ERBIN: variants seen among roughly 807,000 people sequenced by gnomAD.
ERBIN encodes erbb2 interacting protein, also known as densin-180-like protein.
Under a neutral mutation model 158.4 loss-of-function variants are expected in ERBIN, and 60 were observed. The observed-to-expected ratio is 0.38, with a 90% CI of 0.31 to 0.47. The LOEUF is 0.47. ERBIN is among the 20% of genes least tolerant of loss of function. The pLI is 0.99. For synonymous variants in ERBIN, 594 were observed against 557.2 expected (o/e 1.07, Z -0.93); for missense variants, 1,610 against 1,648.0 (o/e 0.98, Z 0.40).
At chr5:65,961,452 C>T (rs1487946541) in intron 1 of ERBIN, 4 of 152,328 alleles carry the variant, frequency 2.6e-5, no homozygotes, top group Non-Finnish European at 5.9e-5. Flanking sequence ...TTCTGAAACA[C>T]ATCTACTGGC....
chr5:66,040,933 G>A (rs1757865444), intron 15 of ERBIN, among the ~76,000 whole-genome samples: 1 of 151,756 alleles, frequency 6.6e-6, no homozygotes, highest in South Asian at 2.1e-4. Flanking sequence ...TTGGGCCTAG[G>A]TAGAGGAATC....
chr5:65,959,733 CT>C (rs1209498392), intron 1 of ERBIN, among the ~76,000 whole-genome samples: 2 of 152,126 alleles, frequency 1.3e-5, no homozygotes, highest in Non-Finnish European at 2.9e-5. Context: ...TTAAATGCCC[CT>C]TTTTTTCTGT....
chr5:66,050,987 G>GT, intron 20 of ERBIN, 21 bp downstream of exon 20: 1 of 1,519,978 alleles, frequency 6.6e-7, no homozygotes, highest in Non-Finnish European at 9.0e-7. Flanking sequence ...CTCTTTTACA[G>GT]TTTTTTATTT....
At chr5:66,069,165 A>G (rs1761305655) in intron 21 of ERBIN, 1 of 700,624 alleles carries the variant, frequency 1.4e-6, no homozygotes, top group Non-Finnish European at 2.2e-6. Context: ...GCTTAGTTCT[A>G]AATCTTTCTT....
chr5:66,025,283 A>ATAG (rs756862321), intron 10 of ERBIN, 197 bp from the exon 11 acceptor site: 23 of 591,466 alleles, frequency 3.9e-5, no homozygotes, highest in Non-Finnish European at 6.3e-5. Context: ...ACTATGTTAA[A>ATAG]TAGTGATGTG....
chr5:66,068,838 T>C, intron 21 of ERBIN: 1 of 1,483,840 alleles, frequency 6.7e-7, no homozygotes, highest in Non-Finnish European at 9.0e-7. Flanking sequence ...TTTTGCATGC[T>C]ACACTAATCT....
chr5:66,057,748 G>T (rs1329921964), intron 21 of ERBIN, among the ~76,000 whole-genome samples: 1 of 132,982 alleles, frequency 7.5e-6, no homozygotes, highest in Non-Finnish European at 1.5e-5. Flanking sequence ...TCCCCTTCCT[G>T]TGTCCATCTG....
intron 4 of ERBIN, among the ~76,000 whole-genome samples, chr5:66,004,500 G>A (rs1753373649): frequency 6.6e-6 from 1 of 152,184 alleles, no homozygotes; most frequent in African/African-American, 2.4e-5. Flanking sequence ...CCAGGTTCAA[G>A]CAATTCTTGT....
In ERBIN at chr5:66,013,610, C is replaced by G. The variant is rs1754427786; in HGVS notation, c.448C>G (p.Leu150Val). The change falls in exon 6 of 26, where the codon CTT becomes GTT. Residue 150 changes from leucine to valine, a missense_variant. Leu to Val is a conservative substitution (Grantham distance 32). This residue lies in a region of ERBIN where 596 missense variants were observed against 711.9 expected (regional missense o/e 0.84). Transcript: ENST00000284037. ...LTQLYLNDAF[L>V]EFLPANFGRL... is the part of the protein sequence containing the mutation. The stretch of plus-strand genomic sequence containing the variant: ...CCAGTTGTATCTGAATGATGCTTTT[C>G]TTGAGTTCTTGCCAGCAAATTTTGG... 1.2e-6 allele frequency: 2 copies of G among 1,613,184 alleles called. No homozygotes were observed. The highest frequency in any genetic ancestry group is 1.7e-6 in the Non-Finnish European group (2 of 1,179,472).
rs1335229181 is a variant in ERBIN, at chr5:65,940,103, A to C, written c.-58+13297A>C. Among the ~76,000 whole-genome samples the C allele has an allele frequency of 2.8e-5, 4 of 144,624 alleles. No homozygotes were observed. In the East Asian group the frequency reaches 6.2e-4, roughly 22 times the overall value. 94.9% of individuals were successfully genotyped at this position (144,624 alleles called of 152,430 possible). On this transcript the variant is annotated intron_variant, in intron 1 of 25. Transcript: ENST00000284037. ...CCGCCATCCCATCTAGGAAGTGAGGAGCGCCTCTTCCCGGCCGCCATCCCA... is the reference window on the plus strand; with the variant it reads ...CCGCCATCCCATCTAGGAAGTGAGGCGCGCCTCTTCCCGGCCGCCATCCCA...
chr5:66,062,785 T>C (rs1760555719), intron 21 of ERBIN, among the ~76,000 whole-genome samples: 1 of 152,246 alleles, frequency 6.6e-6, no homozygotes, highest in South Asian at 2.1e-4. Flanking sequence ...GCAGGTCTGT[T>C]GGAGTTGACT....
At chr5:66,016,895 G>A (rs146630214) in intron 7 of ERBIN, among the ~76,000 whole-genome samples, 1 of 152,008 alleles carries the variant, frequency 6.6e-6, no homozygotes, top group Non-Finnish European at 1.5e-5. Flanking sequence ...GATTACAGGC[G>A]TGAGCCACCA....
intron 14 of ERBIN, among the ~76,000 whole-genome samples, chr5:66,038,140 A>G (rs1188256218): frequency 1.3e-5 from 2 of 152,214 alleles, no homozygotes; most frequent in Non-Finnish European, 2.9e-5. Context: ...ACGATATTTC[A>G]GTAGCTTGAT....
chr5:66,015,587 A>T (rs1287273410), intron 7 of ERBIN, among the ~76,000 whole-genome samples: 3 of 152,188 alleles, frequency 2.0e-5, no homozygotes, highest in Admixed American at 2.0e-4. Flanking sequence ...GGCCCTTTAC[A>T]GAAAAAATTT....
chr5:65,947,077 T>C (rs1353313187), intron 1 of ERBIN, among the ~76,000 whole-genome samples: 1 of 152,212 alleles, frequency 6.6e-6, no homozygotes, highest in Non-Finnish European at 1.5e-5. Context: ...CAGCATCTTT[T>C]GCAGAACAAA....
At chr5:66,067,266 T>C (rs1430326022) in intron 21 of ERBIN, among the ~76,000 whole-genome samples, 2 of 152,216 alleles carry the variant, frequency 1.3e-5, no homozygotes, top group Non-Finnish European at 2.9e-5. Flanking sequence ...GGTAATTTTA[T>C]AGATCTTTTT....
rs56164922 is a variant in ERBIN, at chr5:66,065,591, CTG to C, written c.3634-6510_3634-6509del. On this transcript the variant is annotated intron_variant, in intron 21 of 25. Coordinates refer to ENST00000284037, the MANE Select transcript of ERBIN (RefSeq NM_001253697.2). ...CAGAGATTTTCAGATTAATTTTGACCTGTGTGTGTGTGTGTGTGTGTGTGTGT... is the reference window on the plus strand; with the variant it reads ...CAGAGATTTTCAGATTAATTTTGACCTGTGTGTGTGTGTGTGTGTGTGTGT... Among the ~76,000 whole-genome samples, 603 of 109,302 alleles carry C rather than the reference CTG, an allele frequency of 5.5e-3. 2 individuals are homozygous for C. The highest frequency in any genetic ancestry group is 9.5e-3 in the Middle Eastern group (2 of 210). 71.7% of individuals were successfully genotyped at this position (109,302 alleles called of 152,430 possible). A position where few individuals can be genotyped will look rare whatever the true frequency, so the allele number is the denominator to read the frequency against.
At chr5:65,947,020 G>C (rs1203765526) in intron 1 of ERBIN, among the ~76,000 whole-genome samples, 1 of 151,760 alleles carries the variant, frequency 6.6e-6, no homozygotes, top group Non-Finnish European at 1.5e-5. Flanking sequence ...TGGATATATA[G>C]TTTGCAGGTA....
chr5:66,028,380 A>T, intron 14 of ERBIN, 37 bp downstream of exon 14: 1 of 1,552,418 alleles, frequency 6.4e-7, no homozygotes, highest in Non-Finnish European at 8.9e-7. Context: ...TGGAGTTCTT[A>T]TTTGTGTTAT....
Sources: allele counts gnomAD v4.1 joint callset (sites outside exome capture counted in the v4.1 genomes callset), GRCh38; gene constraint gnomAD v4.1.1; regional missense constraint gnomAD v4.1.1; transcripts MANE v1.5; gene names NCBI Gene and HGNC (gene_info 2026-07-23, HGNC 2026-07-21).